TANC2: variants seen among roughly 807,000 people sequenced by gnomAD.
TANC2 encodes the protein protein TANC2.
TANC2 carries 26 observed loss-of-function variants against 210.5 expected under a neutral mutation model. The ratio of observed to expected loss-of-function variants is 0.12; its 90% CI spans 0.09 to 0.17. The LOEUF is 0.17. Among genes scored for constraint, TANC2 ranks in the 10% least tolerant of loss-of-function variants. The probability of loss-of-function intolerance (pLI) is 1.00; values close to 1 mark genes in which losing one functional copy is unlikely to be tolerated. For missense variants in TANC2, 2,129 were observed against 2,608.9 expected, an observed-to-expected ratio of 0.82 and a Z score of 4.01; for synonymous variants, 931 against 967.1, an observed-to-expected ratio of 0.96 and a Z score of 0.69.
intron 1 of TANC2, among the ~76,000 whole-genome samples, chr17:62,976,355 C>T (rs969193635): frequency 6.6e-6 from 1 of 152,008 alleles, no homozygotes; most frequent in African/African-American, 2.4e-5. Context: ...CACCCCTACC[C>T]CCAGCCAGTG....
At chr17:63,221,274 A>T (rs545827627) in intron 7 of TANC2, among the ~76,000 whole-genome samples, 173 of 151,968 alleles carry the variant, frequency 1.1e-3, no homozygotes, top group African/African-American at 4.1e-3. Context: ...CTACTAAAAA[A>T]AATAAAAAAA....
chr17:63,280,850 T>C (rs1465957393), intron 9 of TANC2, among the ~76,000 whole-genome samples: 1 of 152,172 alleles, frequency 6.6e-6, no homozygotes, highest in Non-Finnish European at 1.5e-5. Context: ...CTGGCTGTAC[T>C]GTAAGAACTA....
chr17:63,287,570 C>T (rs2044262541), intron 9 of TANC2, among the ~76,000 whole-genome samples: 1 of 152,088 alleles, frequency 6.6e-6, no homozygotes, highest in South Asian at 2.1e-4. Context: ...GATCAGTTTT[C>T]TGTCTTGCCT....
chr17:63,156,250 T>G (rs2039832156), intron 5 of TANC2, among the ~76,000 whole-genome samples: 1 of 152,148 alleles, frequency 6.6e-6, no homozygotes, highest in Non-Finnish European at 1.5e-5. Context: ...ATTTTTAACC[T>G]GAGTAAAATT....
intron 4 of TANC2, chr17:63,130,717 C>T (rs2038888148): frequency 6.6e-6 from 1 of 152,062 alleles, no homozygotes; most frequent in South Asian, 2.1e-4. Context: ...ATTACTACTA[C>T]ACAATTATAC....
chr17:63,024,850 G>A (rs1294631335), intron 2 of TANC2, among the ~76,000 whole-genome samples: 1 of 152,090 alleles, frequency 6.6e-6, no homozygotes, highest in Non-Finnish European at 1.5e-5. Context: ...ACAGTTGAGT[G>A]GAATTAAGTC....
chr17:63,382,555 C>T (rs2047645866), intron 15 of TANC2, among the ~76,000 whole-genome samples: 1 of 152,100 alleles, frequency 6.6e-6, no homozygotes, highest in Non-Finnish European at 1.5e-5. Context: ...TGCATGTAAT[C>T]AAATATTATC....
chr17:63,388,855 GTCTT>G lies in TANC2; in HGVS notation c.2814+103_2814+106del, dbSNP rs748611666. 1.5e-4 allele frequency: 138 copies of G among 903,666 alleles called. 1 individual carries two copies. The highest frequency in any genetic ancestry group is 1.0e-3 in the Middle Eastern group (3 of 2,920). 56.0% of individuals were successfully genotyped at this position (903,666 alleles called of 1,614,324 possible). A position where few individuals can be genotyped will look rare whatever the true frequency, so the allele number is the denominator to read the frequency against. ...TAGCTATTTAGTTGATCTTTGACTTGTCTTTCTTATTAGCCTTTTATTGATAATT... is the reference window on the plus strand; with the variant it reads ...TAGCTATTTAGTTGATCTTTGACTTGTCTTATTAGCCTTTTATTGATAATT... On this transcript the variant is annotated intron_variant, in intron 16 of 27. Transcript: ENST00000689528.
chr17:63,392,763 T>G (rs1253144712), intron 17 of TANC2, among the ~76,000 whole-genome samples: 1 of 152,200 alleles, frequency 6.6e-6, no homozygotes, highest in Non-Finnish European at 1.5e-5. Context: ...CATTACACAT[T>G]GCATACATGT....
chr17:63,352,312 C>T lies in TANC2; in HGVS notation c.1974+896C>T, dbSNP rs151259230. On this transcript the variant is annotated intron_variant, in intron 13 of 27. Transcript: ENST00000689528. ...CCCTCCTTTCCCCCTCTGCCAGGCA[C>T]TTAGCATTATTTCCATATATTGACC... Among the ~76,000 whole-genome samples, 1,444 of 152,186 alleles carry T rather than the reference C, an allele frequency of 9.5e-3. 11 individuals are homozygous for T. Among genetic ancestry groups the T allele is most frequent in the Non-Finnish European group, 0.013 (904 of 67,974 alleles).
intron 3 of TANC2, among the ~76,000 whole-genome samples, chr17:63,089,923 G>C (rs2037117939): frequency 6.6e-6 from 1 of 151,806 alleles, no homozygotes; most frequent in South Asian, 2.1e-4. Context: ...TTACAAATTA[G>C]GTTTTTTAAA....
At chr17:63,281,937 C>T (rs1239427834) in intron 9 of TANC2, among the ~76,000 whole-genome samples, 1 of 151,988 alleles carries the variant, frequency 6.6e-6, no homozygotes, top group Non-Finnish European at 1.5e-5. Context: ...CTTTCTTGAG[C>T]CTCAGAGGGA....
chr17:63,177,680 GAT>G (rs2040636747), intron 5 of TANC2, among the ~76,000 whole-genome samples: 1 of 152,150 alleles, frequency 6.6e-6, no homozygotes, highest in African/African-American at 2.4e-5. Context: ...AGGTTGGCTG[GAT>G]GGCTCTAGCA....
At chr17:63,220,760 GTGTATGTGTATATATACA>G (rs1454637951) in intron 7 of TANC2, among the ~76,000 whole-genome samples, 3 of 143,036 alleles carry the variant, frequency 2.1e-5, no homozygotes, top group African/African-American at 7.7e-5. Flanking sequence ...GTGTATATAC[GTGTATGTGTATATATACA>G]TGTATGTGTA....
intron 3 of TANC2, among the ~76,000 whole-genome samples, chr17:63,095,853 G>A (rs1013498930): frequency 6.6e-6 from 1 of 152,150 alleles, no homozygotes; most frequent in Non-Finnish European, 1.5e-5. Flanking sequence ...ATAGGACAAA[G>A]AAGATGGAAG....
At chr17:63,084,736 T>C (rs940685059) in intron 3 of TANC2, among the ~76,000 whole-genome samples, 3 of 152,182 alleles carry the variant, frequency 2.0e-5, no homozygotes, top group Admixed American at 1.3e-4. Flanking sequence ...TTCTTTGAAC[T>C]GTGTGTTATT....
At chr17:63,234,892 G>A (rs967924895) in intron 7 of TANC2, among the ~76,000 whole-genome samples, 12 of 152,050 alleles carry the variant, frequency 7.9e-5, no homozygotes, top group African/African-American at 2.9e-4. Flanking sequence ...TATCAGTCCC[G>A]CTTAGAGTGT....
intron 3 of TANC2, among the ~76,000 whole-genome samples, chr17:63,083,489 C>T (rs973050671): frequency 2.0e-5 from 3 of 152,028 alleles, no homozygotes; most frequent in African/African-American, 7.2e-5. Context: ...CATAAGGGCC[C>T]CTTTTTCTGG....
At chr17:63,129,052 C>T (rs1416770433) in intron 4 of TANC2, among the ~76,000 whole-genome samples, 2 of 152,096 alleles carry the variant, frequency 1.3e-5, no homozygotes, top group Non-Finnish European at 2.9e-5. Flanking sequence ...GGGTCTCGCT[C>T]TGTCACCCAG....
Sources: gnomAD v4.1 joint callset for allele counts (sites outside exome capture counted in the v4.1 genomes callset) on GRCh38, gnomAD v4.1.1 for gene constraint, MANE v1.5 for transcripts, NCBI Gene and HGNC (gene_info 2026-07-23, HGNC 2026-07-21) for gene names.